Variants in YTHDF1 observed in about 807,000 individuals in gnomAD.
YTHDF1 encodes the protein YTH N6-methyladenosine RNA binding protein F1, also known as YTH domain-containing family protein 1.
Under a neutral mutation model 49.1 loss-of-function variants are expected in YTHDF1, and 16 were observed. That is an observed-to-expected ratio of 0.33 (90% confidence interval 0.22 to 0.49). The LOEUF is 0.49. YTHDF1 is among the 20% of genes least tolerant of loss of function. The pLI is 0.99. For synonymous variants in YTHDF1, 313 were observed against 290.1 expected (o/e 1.08, Z -0.80); for missense variants, 621 against 744.3 (o/e 0.83, Z 1.93).
chr20:63,202,052 G>C (rs1362095478), intron 4 of YTHDF1, among the ~76,000 whole-genome samples: 1 of 152,272 alleles, frequency 6.6e-6, no homozygotes, highest in Non-Finnish European at 1.5e-5. Context: ...AGTGATCAAA[G>C]TCGTTCGGTG....
At chr20:63,201,520 A>G (rs1475014563) in intron 4 of YTHDF1, among the ~76,000 whole-genome samples, 1 of 152,152 alleles carries the variant, frequency 6.6e-6, no homozygotes, top group East Asian at 1.9e-4. Flanking sequence ...GAGCAAACAC[A>G]CTCAATCCCG....
chr20:63,208,896 CT>C (rs1222392276), intron 3 of YTHDF1, among the ~76,000 whole-genome samples: 2 of 152,192 alleles, frequency 1.3e-5, no homozygotes, highest in African/African-American at 4.8e-5. Context: ...CACCCAAAAC[CT>C]GATGAGCAAT....
At chr20:63,201,629 T>C (rs999734762) in intron 4 of YTHDF1, among the ~76,000 whole-genome samples, 2 of 152,244 alleles carry the variant, frequency 1.3e-5, no homozygotes, top group African/African-American at 2.4e-5. Context: ...ATTTTTGATA[T>C]AGGATCCATA....
chr20:63,196,082 C>T lies in YTHDF1; in HGVS notation c.*626G>A, dbSNP rs1263652534. The T allele has an allele frequency of 5.3e-5, 8 of 149,708 alleles. No individual in the cohort carries two copies. Among genetic ancestry groups the T allele is most frequent in the Admixed American group, 4.0e-4 (6 of 14,926 alleles). 9.3% of individuals were successfully genotyped at this position (149,708 alleles called of 1,614,324 possible). On this transcript the variant is annotated 3_prime_UTR_variant, in exon 5 of 5. Coordinates refer to ENST00000370339, the MANE Select transcript of YTHDF1 (RefSeq NM_017798.4). The stretch of plus-strand genomic sequence containing the variant: ...AATCGGACACCAGGACAGTGAGGGA[C>T]GGGTGGCTGTTCAGTGGGCAACAGA...
intron 2 of YTHDF1, 128 bp from the exon 3 acceptor site, chr20:63,214,071 G>A: frequency 7.0e-7 from 1 of 1,427,092 alleles, no homozygotes; most frequent in Non-Finnish European, 9.2e-7. Context: ...TTTAAAAGGA[G>A]TACAACCAGT....
chr20:63,202,066 T>C (rs1317683904), intron 4 of YTHDF1, among the ~76,000 whole-genome samples: 2 of 152,268 alleles, frequency 1.3e-5, no homozygotes, highest in African/African-American at 4.8e-5. Flanking sequence ...TTCGGTGACA[T>C]CTACCCAAAT....
chr20:63,202,569 G>C lies in YTHDF1; in HGVS notation c.1371C>G (p.Asp457Glu), dbSNP rs2066522703. The change falls in exon 4 of 5, where the codon GAC becomes GAG. Residue 457 changes from aspartate (D) to glutamate (E), a missense_variant. Asp to Glu is a conservative substitution (Grantham distance 45). Around this residue, in one of 2 missense-constraint regions of YTHDF1, gnomAD observed 151 missense variants for 248.5 expected, o/e 0.61. Coordinates refer to ENST00000370339, the MANE Select transcript of YTHDF1 (RefSeq NM_017798.4). ...ACCAGACCCCGGCACTGGTGCCGTA[G>C]TCCACGGGGGACTTCATCTCGGCCA... is the stretch of plus-strand genomic sequence containing the variant. ...CGVAEMKSPVDYGTSAGVWSQ... is the reference protein window; with the variant it reads ...CGVAEMKSPVEYGTSAGVWSQ... 3.1e-6 allele frequency: 5 copies of C among 1,614,232 alleles called. No individual in the cohort carries two copies. The highest frequency in any genetic ancestry group is 3.4e-6 in the Non-Finnish European group (4 of 1,180,052).
chr20:63,202,995 C>T lies in YTHDF1; in HGVS notation c.945G>A (p.Pro315=), dbSNP rs758252890. 2.7e-5 allele frequency: 44 copies of T among 1,612,510 alleles called. No homozygotes were observed. Among genetic ancestry groups the T allele is most frequent in the Admixed American group, 3.3e-5 (2 of 59,944 alleles). The part of the protein sequence containing the change: ...LPAQPPALAQ[P]QYQSPQQPPQ... ...GTGGCTGCTGAGGGCTCTGATACTG[C>T]GGTTGAGCCAAAGCTGGGGGCTGTG... Residue 315 remains proline, a synonymous_variant, in exon 4 of 5, where the codon CCG becomes CCA. Coordinates refer to ENST00000370339, the MANE Select transcript of YTHDF1 (RefSeq NM_017798.4).
intron 3 of YTHDF1, among the ~76,000 whole-genome samples, chr20:63,206,021 G>C (rs868651158): frequency 5.3e-5 from 8 of 151,610 alleles, no homozygotes; most frequent in Admixed American, 6.6e-5. Flanking sequence ...GCCCAGACTG[G>C]GGGGGTGAGC....
At chr20:63,215,400 G>A (rs1035881235) in intron 2 of YTHDF1, among the ~76,000 whole-genome samples, 177 bp downstream of exon 2, 19 of 152,176 alleles carry the variant, frequency 1.2e-4, no homozygotes, top group African/African-American at 4.1e-4. Context: ...CACTTCTTGA[G>A]AAGCCCCTGT....
intron 3 of YTHDF1, among the ~76,000 whole-genome samples, chr20:63,212,670 C>G (rs1371970209): frequency 6.6e-6 from 1 of 152,180 alleles, no homozygotes; most frequent in Non-Finnish European, 1.5e-5. Flanking sequence ...AAACAGATAC[C>G]GCTTCTCTTG....
Position 63,203,148 on chromosome 20 carries a change from G to C in YTHDF1, c.792C>G (p.Pro264=). ...PVMGGGLPPP[P]IKHNMDIGTW... ...TGCCAATGTCCATGTTATGCTTTAT[G>C]GGTGGAGGGGGCAGCCCACCCCCCA... is the stretch of plus-strand genomic sequence containing the variant. The change falls in exon 4 of 5, where the codon CCC becomes CCG. Residue 264 remains proline, a synonymous_variant. Transcript: ENST00000370339. This position sits in a 1 kb window ranked among gnomAD's most constrained non-coding sequence, Gnocchi z 4.4. 1 of 1,613,690 alleles carries C rather than the reference G, an allele frequency of 6.2e-7. No homozygotes were observed. The highest frequency in any genetic ancestry group is 8.5e-7 in the Non-Finnish European group (1 of 1,180,004).
intron 4 of YTHDF1, among the ~76,000 whole-genome samples, chr20:63,200,036 G>A (rs1302098684): frequency 2.0e-5 from 3 of 151,960 alleles, no homozygotes; most frequent in South Asian, 2.1e-4. Context: ...CCCGGCAGAC[G>A]GAGAAAGACC....
At position 63,196,613 on chromosome 20, in the gene YTHDF1, C is replaced by A. The variant is rs1202895738; in HGVS notation, c.*95G>T. 28 of 1,457,444 alleles carry A rather than the reference C, an allele frequency of 1.9e-5. No individual in the cohort carries two copies. Among genetic ancestry groups the A allele is most frequent in the Non-Finnish European group, 2.5e-5 (26 of 1,055,052 alleles). 90.3% of individuals were successfully genotyped at this position (1,457,444 alleles called of 1,614,324 possible). ...AAAGGCAAAGATGCAACACTCAACCCCCGCACGGGACGACACACTGGAGCT... is the reference window on the plus strand; with the variant it reads ...AAAGGCAAAGATGCAACACTCAACCACCGCACGGGACGACACACTGGAGCT... On this transcript the variant is annotated 3_prime_UTR_variant, in exon 5 of 5. Transcript: ENST00000370339.
Position 63,202,373 on chromosome 20 carries a change from T to C in YTHDF1, c.1567A>G (p.Ile523Val). 6.2e-7 allele frequency: 1 copy of C among 1,614,268 alleles called. No individual in the cohort carries two copies. The highest frequency in any genetic ancestry group is 8.5e-7 in the Non-Finnish European group (1 of 1,180,040). ...LEKAKQVLKIISSYKHTTSIF... is the reference protein window; with the variant it reads ...LEKAKQVLKIVSSYKHTTSIF... ...GAGGTTGTGTGCTTGTAGGAACTGA[T>C]AATTTTCAGCACTTGCTTGGCTTTT... is the stretch of plus-strand genomic sequence containing the variant. Residue 523 changes from isoleucine to valine, a missense_variant, in exon 4 of 5, where the codon ATC becomes GTC. Ile to Val is a conservative substitution (Grantham distance 29). This residue lies in a region of YTHDF1 where 151 missense variants were observed against 248.5 expected (regional missense o/e 0.61). Transcript: ENST00000370339.
chr20:63,215,045 T>C (rs1212087226), intron 2 of YTHDF1, among the ~76,000 whole-genome samples: 1 of 152,232 alleles, frequency 6.6e-6, no homozygotes, highest in Non-Finnish European at 1.5e-5. Context: ...TGGTTACACC[T>C]GAGCTGACAC....
rs76142213 is a variant in YTHDF1, at chr20:63,202,142, C to T, written c.1653+145G>A. On this transcript the variant is annotated intron_variant, in intron 4 of 4. Coordinates refer to ENST00000370339, the MANE Select transcript of YTHDF1 (RefSeq NM_017798.4). ...CCACGAGGCTGCCAGGACCTGGGCCCGCCCACCTGCGGCCAACTGGGAGCT... is the reference window on the plus strand; with the variant it reads ...CCACGAGGCTGCCAGGACCTGGGCCTGCCCACCTGCGGCCAACTGGGAGCT... The T allele has an allele frequency of 8.4e-3, 9,238 of 1,100,824 alleles. 484 individuals are homozygous for T. In the African/African-American group the frequency reaches 0.12, roughly 15 times the overall value. The allele number at this position is 1,100,824 out of a possible 1,614,324, so 68.2% of individuals were successfully genotyped here.
At position 63,211,975 on chromosome 20, in the gene YTHDF1, AC is replaced by A. The variant is rs1328228162; in HGVS notation, c.132+1888del. Among the ~76,000 whole-genome samples, 7 of 86,374 alleles carry A rather than the reference AC, an allele frequency of 8.1e-5. 1 individual carries two copies. The South Asian group carries it at 2.6e-3, about 32-fold the overall frequency. 56.7% of individuals were successfully genotyped at this position (86,374 alleles called of 152,430 possible). A position where few individuals can be genotyped will look rare whatever the true frequency, so the allele number is the denominator to read the frequency against. ...GTCTCCAAAATACACACACACACAC[AC>A]ACACACACACACACACACACACACA... On this transcript the variant is annotated intron_variant, in intron 3 of 4. Transcript: ENST00000370339.
chr20:63,206,019 T>A (rs1342458451), intron 3 of YTHDF1, among the ~76,000 whole-genome samples: 1 of 146,868 alleles, frequency 6.8e-6, no homozygotes, highest in Admixed American at 6.7e-5. Context: ...AGGCCCAGAC[T>A]GGGGGGGTGA....
Sources: gnomAD v4.1 joint callset for allele counts (sites outside exome capture counted in the v4.1 genomes callset) on GRCh38, gnomAD v4.1.1 for gene constraint, gnomAD v4.1.1 regional missense constraint, Gnocchi (gnomAD v3.1) non-coding constraint, MANE v1.5 for transcripts, NCBI Gene and HGNC (gene_info 2026-07-23, HGNC 2026-07-21) for gene names.